The following MYCN variants were observed in gnomAD, a reference collection of about 807,000 sequenced individuals.
The protein encoded by MYCN is N-myc proto-oncogene protein.
MYCN carries 3 observed loss-of-function variants against 28.1 expected under a neutral mutation model. That is an observed-to-expected ratio of 0.11 (90% CI 0.05 to 0.28). MYCN has a LOEUF of 0.28. Among genes scored for constraint, MYCN ranks in the 10% least tolerant of loss-of-function variants. The probability of loss-of-function intolerance (pLI) is 1.00; values close to 1 mark genes in which losing one functional copy is unlikely to be tolerated. For synonymous variants in MYCN, 326 were observed against 288.3 expected (o/e 1.13, Z -1.32); for missense variants, 572 against 651.4 (o/e 0.88, Z 1.33).
rs903220434 is a variant in MYCN at position 15,945,768 on chromosome 2, C to T, written c.1066C>T (p.Pro356Ser). ...PQKKIKSEAS[P>S]RPLKSVIPPK... is the part of the protein sequence containing the mutation. The stretch of plus-strand genomic sequence containing the variant: ...GAAGAAGATAAAGAGCGAGGCGTCC[C>T]CACGTCCGCTCAAGAGTGTCATCCC... Residue 356 changes from proline (P) to serine (S), a missense_variant, in exon 3 of 3, where the codon CCA becomes TCA. Physicochemically the swap from Pro to Ser is moderately conservative, Grantham distance 74 (BLOSUM62 -1). This residue lies in a region of MYCN where 499 missense variants were observed against 524.3 expected (regional missense o/e 0.95). Transcript: ENST00000281043. This position sits in a 1 kb window ranked among gnomAD's most constrained non-coding sequence, Gnocchi z 4.8. 1.2e-6 allele frequency: 2 copies of T among 1,613,952 alleles called. No individual in the cohort carries two copies. Among genetic ancestry groups the T allele is most frequent in the Non-Finnish European group, 1.7e-6 (2 of 1,180,030 alleles).
In MYCN at chr2:15,942,939, G is replaced by T. The variant is rs1662749031; in HGVS notation, c.790+85G>T. 6.8e-7 allele frequency: 1 copy of T among 1,472,970 alleles called. No homozygotes were observed. Among genetic ancestry groups the T allele is most frequent in the Non-Finnish European group, 9.1e-7 (1 of 1,103,206 alleles). 91.2% of individuals were successfully genotyped at this position (1,472,970 alleles called of 1,614,324 possible). A position where few individuals can be genotyped will look rare whatever the true frequency, so the allele number is the denominator to read the frequency against. ...CCTTTGTTAGTGCTCGTATGTCTTG[G>T]CCTGGGGAGCATTTTGGAGGCAGTG... On this transcript the variant is annotated intron_variant, in intron 2 of 2. Transcript: ENST00000281043. This position sits in a 1 kb window ranked among gnomAD's most constrained non-coding sequence, Gnocchi z 7.0.
rs1662874409 is a variant in MYCN, at chr2:15,946,361, T to A, written c.*264T>A. 3.8e-6 allele frequency: 2 copies of A among 531,414 alleles called. No homozygotes were observed. The highest frequency in any genetic ancestry group is 4.1e-5 in the South Asian group (2 of 48,338). The allele number at this position is 531,414 out of a possible 1,614,324, so 32.9% of individuals were successfully genotyped here. ...AACGTTGGTGACGGTTGGGAGCCTC[T>A]GGGGCTGTTGAAGTCACCTTGTGTG... On this transcript the variant is annotated 3_prime_UTR_variant, in exon 3 of 3. Coordinates refer to ENST00000281043, the MANE Select transcript of MYCN (RefSeq NM_005378.6).
In MYCN at chr2:15,941,972, G is replaced by T; in HGVS notation, c.-93G>T. The T allele has an allele frequency of 1.3e-6, 2 of 1,523,464 alleles. No individual in the cohort carries two copies. Among genetic ancestry groups the T allele is most frequent in the Non-Finnish European group, 1.8e-6 (2 of 1,119,048 alleles). The allele number at this position is 1,523,464 out of a possible 1,614,324, so 94.4% of individuals were successfully genotyped here. ...GTGTTGGAGGTCGGCGCCGGCCCCC[G>T]CCTTCCGCGCCCCCCACGGGAAGGA... On this transcript the variant is annotated 5_prime_UTR_variant, in exon 2 of 3. Transcript: ENST00000281043. The surrounding 1 kb of genome is among the most constrained non-coding windows in gnomAD (Gnocchi z 4.8).
rs1662747734 is a variant in MYCN at position 15,942,914 on chromosome 2, C to A, written c.790+60C>A. 2 of 1,526,488 alleles carry A rather than the reference C, an allele frequency of 1.3e-6. No individual in the cohort carries two copies. The highest frequency in any genetic ancestry group is 1.2e-5 in the South Asian group (1 of 83,928). The allele number at this position is 1,526,488 out of a possible 1,614,324, so 94.6% of individuals were successfully genotyped here. On this transcript the variant is annotated intron_variant, in intron 2 of 2. Transcript: ENST00000281043. This position sits in a 1 kb window ranked among gnomAD's most constrained non-coding sequence, Gnocchi z 7.0. The stretch of plus-strand genomic sequence containing the variant: ...GGGCACTGGACCCCGGGTCGCGTCC[C>A]CTTTGTTAGTGCTCGTATGTCTTGG...
intron 2 of MYCN, among the ~76,000 whole-genome samples, chr2:15,944,226 G>T (rs561306420): frequency 6.6e-6 from 1 of 152,036 alleles, no homozygotes; most frequent in Non-Finnish European, 1.5e-5. Flanking sequence ...TCAGCTTTCC[G>T]GTCCCCTTCA....
chr2:15,943,322 G>A (rs1416278587), intron 2 of MYCN, among the ~76,000 whole-genome samples: 2 of 152,080 alleles, frequency 1.3e-5, no homozygotes, highest in Admixed American at 6.5e-5. Flanking sequence ...CAAGGGCTGT[G>A]CAAAGCCCTG....
At chr2:15,944,856 T>A (rs897346508) in intron 2 of MYCN, among the ~76,000 whole-genome samples, 1 of 152,190 alleles carries the variant, frequency 6.6e-6, no homozygotes, top group Admixed American at 6.5e-5. Flanking sequence ...GGATTCTGTC[T>A]GACCCTAAAG....
chr2:15,942,709 G>A lies in MYCN; in HGVS notation c.645G>A (p.Ala215=), dbSNP rs1662734980. 4 of 1,188,150 alleles carry A rather than the reference G, an allele frequency of 3.4e-6. No individual in the cohort carries two copies. The highest frequency in any genetic ancestry group is 4.5e-5 in the Admixed American group (1 of 22,350). The allele number at this position is 1,188,150 out of a possible 1,614,324, so 73.6% of individuals were successfully genotyped here. ...VPAAPASAPA[A]GPAVASGAGI... ...CAGCCCCGGCCAGTGCCCCGGCGGCGGGCCCTGCGGTCGCCTCGGGGGCGG... is the reference window on the plus strand; with the variant it reads ...CAGCCCCGGCCAGTGCCCCGGCGGCAGGCCCTGCGGTCGCCTCGGGGGCGG... Residue 215 remains alanine (A), a synonymous_variant, in exon 2 of 3, where the codon GCG becomes GCA. Coordinates refer to ENST00000281043, the MANE Select transcript of MYCN (RefSeq NM_005378.6). This position sits in a 1 kb window ranked among gnomAD's most constrained non-coding sequence, Gnocchi z 7.0.
intron 2 of MYCN, among the ~76,000 whole-genome samples, chr2:15,944,672 A>AT (rs1356800728): frequency 2.0e-5 from 3 of 152,230 alleles, no homozygotes; most frequent in African/African-American, 7.2e-5. Context: ...CAGACTGGTG[A>AT]TTATGATAAA....
chr2:15,941,282 T>G lies in MYCN; in HGVS notation c.-118+539T>G, dbSNP rs1662655380. 1 of 152,400 alleles carries G rather than the reference T, an allele frequency of 6.6e-6. No homozygotes were observed. The highest frequency in any genetic ancestry group is 1.9e-4 in the East Asian group (1 of 5,184). The allele number at this position is 152,400 out of a possible 1,614,324, so 9.4% of individuals were successfully genotyped here. A position where few individuals can be genotyped will look rare whatever the true frequency, so the allele number is the denominator to read the frequency against. ...CTGGAAGAGGACGTTGTCGTGGGTT[T>G]GGAAGAGCAGGGGTGGGCTTAGAGA... On this transcript the variant is annotated intron_variant, in intron 1 of 2. Coordinates refer to ENST00000281043, the MANE Select transcript of MYCN (RefSeq NM_005378.6). This position sits in a 1 kb window ranked among gnomAD's most constrained non-coding sequence, Gnocchi z 4.8.
At position 15,942,088 on chromosome 2, in the gene MYCN, C is replaced by T. The variant is rs2103323174; in HGVS notation, c.24C>T (p.Thr8=). The T allele has an allele frequency of 1.9e-6, 3 of 1,613,872 alleles. No individual in the cohort carries two copies. The highest frequency in any genetic ancestry group is 2.2e-5 in the South Asian group (2 of 91,086). Residue 8 remains threonine, a synonymous_variant, in exon 2 of 3, where the codon ACC becomes ACT. Coordinates refer to ENST00000281043, the MANE Select transcript of MYCN (RefSeq NM_005378.6). This position sits in a 1 kb window ranked among gnomAD's most constrained non-coding sequence, Gnocchi z 7.0. The part of the protein sequence containing the change: MPSCSTS[T]MPGMICKNPD... ...CGATGCCGAGCTGCTCCACGTCCACCATGCCGGGCATGATCTGCAAGAACC... is the reference window on the plus strand; with the variant it reads ...CGATGCCGAGCTGCTCCACGTCCACTATGCCGGGCATGATCTGCAAGAACC...
chr2:15,940,723 A>G lies in MYCN; in HGVS notation c.-138A>G. 1 of 193,012 alleles carries G rather than the reference A, an allele frequency of 5.2e-6. No individual in the cohort carries two copies. The highest frequency in any genetic ancestry group is 6.3e-5 in the Admixed American group (1 of 15,984). The allele number at this position is 193,012 out of a possible 1,614,324, so 12.0% of individuals were successfully genotyped here. A position where few individuals can be genotyped will look rare whatever the true frequency, so the allele number is the denominator to read the frequency against. On this transcript the variant is annotated 5_prime_UTR_variant, in exon 1 of 3. Transcript: ENST00000281043. ...GACACCCGCGCAGAATCGCCTCCGGATCCCCTGCAGTCGGCGGGAGGTAAG... is the reference window on the plus strand; with the variant it reads ...GACACCCGCGCAGAATCGCCTCCGGGTCCCCTGCAGTCGGCGGGAGGTAAG...
intron 2 of MYCN, among the ~76,000 whole-genome samples, chr2:15,944,996 GGTT>G (rs1193344304): frequency 8.2e-6 from 1 of 122,570 alleles, no homozygotes; most frequent in Non-Finnish European, 1.6e-5. Flanking sequence ...ATGTATGGGG[GGTT>G]GTTTTGTTTT....
rs1017975438 is a variant in MYCN, at chr2:15,941,615, C to A, written c.-117-333C>A. The A allele has an allele frequency of 6.6e-5, 16 of 243,240 alleles. No individual in the cohort carries two copies. Among genetic ancestry groups the A allele is most frequent in the Non-Finnish European group, 1.1e-4 (14 of 122,560 alleles). 15.1% of individuals were successfully genotyped at this position (243,240 alleles called of 1,614,324 possible). A position where few individuals can be genotyped will look rare whatever the true frequency, so the allele number is the denominator to read the frequency against. ...CGCTGCGAGTGCGGTTGTCTGCGTGCTCGTGAGAGCTAGAATTCTGCAGCC... is the reference window on the plus strand; with the variant it reads ...CGCTGCGAGTGCGGTTGTCTGCGTGATCGTGAGAGCTAGAATTCTGCAGCC... On this transcript the variant is annotated intron_variant, in intron 1 of 2. Coordinates refer to ENST00000281043, the MANE Select transcript of MYCN (RefSeq NM_005378.6). This position sits in a 1 kb window ranked among gnomAD's most constrained non-coding sequence, Gnocchi z 4.8.
In MYCN at chr2:15,946,263, C is replaced by A; in HGVS notation, c.*166C>A. The A allele has an allele frequency of 3.2e-6, 3 of 941,608 alleles. No homozygotes were observed. Among genetic ancestry groups the A allele is most frequent in the African/African-American group, 1.6e-5 (1 of 61,100 alleles). The allele number at this position is 941,608 out of a possible 1,614,324, so 58.3% of individuals were successfully genotyped here. On this transcript the variant is annotated 3_prime_UTR_variant, in exon 3 of 3. Coordinates refer to ENST00000281043, the MANE Select transcript of MYCN (RefSeq NM_005378.6). ...CCACCAGTGTGGGGTTCTGCTGGGA[C>A]CTTGGAGAGCCTGCATCCCAGGATG... is the stretch of plus-strand genomic sequence containing the variant.
rs752749374 is a variant in MYCN, at chr2:15,942,366, G to A, written c.302G>A (p.Gly101Glu). The change falls in exon 2 of 3, where the codon GGA (glycine) becomes GAA (glutamate). Residue 101 changes from glycine (G) to glutamate (E), a missense_variant. Transcript: ENST00000281043. This position sits in a 1 kb window ranked among gnomAD's most constrained non-coding sequence, Gnocchi z 7.0. ...GAGGAGGACGCGTTCGGCCTGGGGG[G>A]ACTGGGTGGCCTCACCCCCAACCCG... The part of the protein sequence containing the change: ...PAEEDAFGLG[G>E]LGGLTPNPVI... 5.0e-6 allele frequency: 8 copies of A among 1,606,908 alleles called. No individual in the cohort carries two copies. Among genetic ancestry groups the A allele is most frequent in the Middle Eastern group, 1.6e-4 (1 of 6,074 alleles).
Position 15,946,054 on chromosome 2 carries a change from A to G in MYCN, c.1352A>G (p.Gln451Arg), listed in dbSNP as rs1662864863. ...GAAAAGGAAAAATTGCAGGCAAGACAGCAGCAGTTGCTAAAGAAAATTGAA... is the reference window on the plus strand; with the variant it reads ...GAAAAGGAAAAATTGCAGGCAAGACGGCAGCAGTTGCTAAAGAAAATTGAA... ...LLEKEKLQARQQQLLKKIEHA... is the reference protein window; with the variant it reads ...LLEKEKLQARRQQLLKKIEHA... The change falls in exon 3 of 3, where the codon CAG (glutamine) becomes CGG (arginine). Residue 451 changes from glutamine (Q) to arginine (R), a missense_variant. Physicochemically the swap from Gln to Arg is conservative, Grantham distance 43. Coordinates refer to ENST00000281043, the MANE Select transcript of MYCN (RefSeq NM_005378.6). 2 of 1,614,148 alleles carry G rather than the reference A, an allele frequency of 1.2e-6. No homozygotes were observed. Among genetic ancestry groups the G allele is most frequent in the African/African-American group, 1.3e-5 (1 of 74,960 alleles).
In MYCN at chr2:15,941,956, G is replaced by C; in HGVS notation, c.-109G>C. ...GTGTCTGTCGGTTGCAGTGTTGGAG[G>C]TCGGCGCCGGCCCCCGCCTTCCGCG... is the stretch of plus-strand genomic sequence containing the variant. On this transcript the variant is annotated 5_prime_UTR_variant, in exon 2 of 3. Coordinates refer to ENST00000281043, the MANE Select transcript of MYCN (RefSeq NM_005378.6). This position sits in a 1 kb window ranked among gnomAD's most constrained non-coding sequence, Gnocchi z 4.8. The C allele has an allele frequency of 7.1e-7, 1 of 1,407,376 alleles. No homozygotes were observed. Among genetic ancestry groups the C allele is most frequent in the Non-Finnish European group, 9.8e-7 (1 of 1,024,068 alleles). 87.2% of individuals were successfully genotyped at this position (1,407,376 alleles called of 1,614,324 possible). A position where few individuals can be genotyped will look rare whatever the true frequency, so the allele number is the denominator to read the frequency against.
At position 15,946,660 on chromosome 2, in the gene MYCN, G is replaced by T. The variant is rs1662882222; in HGVS notation, c.*563G>T. 4.0e-6 allele frequency: 1 copy of T among 250,666 alleles called. No homozygotes were observed. The highest frequency in any genetic ancestry group is 2.2e-5 in the African/African-American group (1 of 45,720). 15.5% of individuals were successfully genotyped at this position (250,666 alleles called of 1,614,324 possible). ...CAAATATATTGTTAATCTCTGTTAT[G>T]TACTGTACTAATTCTTACACTGCCT... On this transcript the variant is annotated 3_prime_UTR_variant, in exon 3 of 3. Coordinates refer to ENST00000281043, the MANE Select transcript of MYCN (RefSeq NM_005378.6).
Sources: allele counts gnomAD v4.1 joint callset (sites outside exome capture counted in the v4.1 genomes callset), GRCh38; gene constraint gnomAD v4.1.1; regional missense constraint gnomAD v4.1.1; non-coding constraint Gnocchi (gnomAD v3.1); transcripts MANE v1.5; gene names NCBI Gene and HGNC (gene_info 2026-07-23, HGNC 2026-07-21).